TLR6: variants seen among roughly 807,000 people sequenced by gnomAD.
TLR6 encodes the protein toll like receptor 6.
In TLR6, 9 loss-of-function variants were observed where a neutral mutation model predicts 16.1. That is an observed-to-expected ratio of 0.56 (90% confidence interval 0.34 to 0.98). TLR6 has a LOEUF of 0.98. TLR6 is among the 50% of genes least tolerant of loss of function. The probability of loss-of-function intolerance (pLI) is 0.02; values close to 1 mark genes in which losing one functional copy is unlikely to be tolerated. For synonymous variants in TLR6, 340 were observed against 338.6 expected (o/e 1.00, Z -0.04); for missense variants, 786 against 921.0 (o/e 0.85, Z 1.90).
intron 1 of TLR6, among the ~76,000 whole-genome samples, chr4:38,855,052 A>G (rs1216013729): frequency 6.6e-6 from 1 of 152,036 alleles, no homozygotes; most frequent in Non-Finnish European, 1.5e-5. Context: ...CTAAAAAAAA[A>G]TACAAAAAAA....
chr4:38,832,173 T>C (rs1711636176), intron 1 of TLR6, among the ~76,000 whole-genome samples: 1 of 152,158 alleles, frequency 6.6e-6, no homozygotes, highest in Non-Finnish European at 1.5e-5. Context: ...AATTAAAAAA[T>C]GAGCCGGAGA....
At chr4:38,840,954 T>C (rs1292699304) in intron 1 of TLR6, among the ~76,000 whole-genome samples, 7 of 152,178 alleles carry the variant, frequency 4.6e-5, no homozygotes, top group Admixed American at 2.6e-4. Flanking sequence ...AAAATATTAA[T>C]AATGGTGAAA....
intron 1 of TLR6, among the ~76,000 whole-genome samples, chr4:38,839,769 G>A (rs1326352462): frequency 2.6e-5 from 4 of 152,204 alleles, no homozygotes; most frequent in African/African-American, 9.7e-5. Flanking sequence ...ATTGCATCCA[G>A]GATGAAAGGA....
intron 1 of TLR6, among the ~76,000 whole-genome samples, chr4:38,838,794 C>T (rs889922685): frequency 2.6e-5 from 4 of 151,702 alleles, no homozygotes; most frequent in Non-Finnish European, 5.9e-5. Flanking sequence ...GGTGGATATC[C>T]TAAATACCCT....
intron 1 of TLR6, among the ~76,000 whole-genome samples, chr4:38,854,383 T>C (rs1312910416): frequency 2.0e-5 from 3 of 152,192 alleles, no homozygotes; most frequent in Non-Finnish European, 2.9e-5. Flanking sequence ...TTTAGGAAAA[T>C]GTAATTTTTT....
chr4:38,845,949 G>T (rs559026552), intron 1 of TLR6, among the ~76,000 whole-genome samples: 1 of 152,046 alleles, frequency 6.6e-6, no homozygotes, highest in African/African-American at 2.4e-5. Context: ...AAAATTAGCC[G>T]GGTGTGGCAG....
chr4:38,831,295 A>C (rs1205526417), intron 1 of TLR6, among the ~76,000 whole-genome samples: 1 of 148,336 alleles, frequency 6.7e-6, no homozygotes, highest in African/African-American at 2.4e-5. Context: ...TCCACATGCA[A>C]AAAAAAAAAA....
chr4:38,858,888 AGAGAAAGAAAGAAAG>A (rs1713128300), upstream of TLR6, among the ~76,000 whole-genome samples: 1 of 45,498 alleles, frequency 2.2e-5, no homozygotes, highest in Admixed American at 2.1e-4. Context: ...AGAAAGAAAG[AGAGAAAGAAAGAAAG>A]AAAAGAAAGA....
At chr4:38,863,456 G>A in the TLR6 span, among the ~76,000 whole-genome samples, 1 of 152,080 alleles carries the variant, frequency 6.6e-6, no homozygotes, top group Non-Finnish European at 1.5e-5. Flanking sequence ...ACATTCAATA[G>A]CCTGCTAAAT....
chr4:38,852,321 C>G (rs1205247122), intron 1 of TLR6, among the ~76,000 whole-genome samples: 1 of 152,144 alleles, frequency 6.6e-6, no homozygotes, highest in Non-Finnish European at 1.5e-5. Context: ...TAGGCATGGG[C>G]AAGGACTTCA....
intron 1 of TLR6, among the ~76,000 whole-genome samples, chr4:38,832,840 G>A (rs953303271): frequency 6.6e-6 from 1 of 152,210 alleles, no homozygotes; most frequent in South Asian, 2.1e-4. Context: ...CTGGGACAAA[G>A]GGAGTCAAAG....
At position 38,827,214 on chromosome 4, in the gene TLR6, G is replaced by C. The variant is rs1308960595; in HGVS notation, c.2260C>G (p.Leu754Val). ...TGCAAATAAGTCCGCTGCGTCATGA[G>C]AGCCTTCAGCTTGTGGTACTTGTTG... Residue 754 changes from leucine (L) to valine (V), a missense_variant, in exon 2 of 2, where the codon CTC becomes GTC. By Grantham distance (32) the Leu-to-Val change is conservative. Transcript: ENST00000436693. 14 of 1,614,082 alleles carry C rather than the reference G, an allele frequency of 8.7e-6. No individual in the cohort carries two copies. The highest frequency in any genetic ancestry group is 1.2e-5 in the Non-Finnish European group (14 of 1,180,054).
chr4:38,828,927 TATA>T, exon 2 of TLR6: 2 of 1,608,716 alleles, frequency 1.2e-6, no homozygotes, highest in South Asian at 2.2e-5. Flanking sequence ...TTTTCTTTTA[TATA>T]ATAATTTCTT....
chr4:38,860,931 C>T (rs566947942), upstream of TLR6, among the ~76,000 whole-genome samples: 1 of 152,224 alleles, frequency 6.6e-6, no homozygotes, highest in South Asian at 2.1e-4. Context: ...GCCGGGCATA[C>T]GTTTTATTTT....
At chr4:38,827,905 T>A in exon 2 of TLR6, 1 of 1,614,230 alleles carries the variant, frequency 6.2e-7, no homozygotes, top group Non-Finnish European at 8.5e-7. Flanking sequence ...CTGCTTTTAT[T>A]GACCTCATCT....
chr4:38,827,475 C>T, exon 2 of TLR6: 1 of 1,614,186 alleles, frequency 6.2e-7, no homozygotes, highest in Non-Finnish European at 8.5e-7. Flanking sequence ...TGTATATCTT[C>T]TTTTTCTAGG....
At chr4:38,833,554 C>G (rs1165844731) in intron 1 of TLR6, among the ~76,000 whole-genome samples, 1 of 152,178 alleles carries the variant, frequency 6.6e-6, no homozygotes, top group Non-Finnish European at 1.5e-5. Flanking sequence ...AAAAGTCTTT[C>G]CCTATCAAAG....
chr4:38,851,864 A>G (rs542058353), intron 1 of TLR6, among the ~76,000 whole-genome samples: 23 of 152,202 alleles, frequency 1.5e-4, no homozygotes, highest in Non-Finnish European at 3.2e-4. Flanking sequence ...TTCTTCACAG[A>G]ACTGGAAAAA....
the TLR6 span, chr4:38,867,969 A>G: frequency 4.4e-4 from 155 of 348,762 alleles, 3 homozygotes; most frequent in African/African-American, 3.3e-3. Context: ...CCTCTGCGTT[A>G]GTGAGAAGCA....
Sources: gnomAD v4.1 joint callset for allele counts (sites outside exome capture counted in the v4.1 genomes callset) on GRCh38, gnomAD v4.1.1 for gene constraint, MANE v1.5 for transcripts, NCBI Gene and HGNC (gene_info 2026-07-23, HGNC 2026-07-21) for gene names.